Variants in CLNK observed in about 807,000 individuals in gnomAD.
CLNK encodes cytokine-dependent hematopoietic cell linker.
CLNK carries 74 observed loss-of-function variants against 68.6 expected under a neutral mutation model. The ratio of observed to expected loss-of-function variants is 1.08; its 90% confidence interval spans 0.89 to 1.31. The LOEUF (loss-of-function observed/expected upper bound fraction) is 1.31. Ranked by LOEUF, CLNK falls within the 50% of genes most tolerant of loss-of-function variation. The probability of loss-of-function intolerance (pLI) is 0.00; values close to 1 mark genes in which losing one functional copy is unlikely to be tolerated. For synonymous variants in CLNK, 198 were observed against 172.2 expected (o/e 1.15, Z -1.17); for missense variants, 553 against 515.3 (o/e 1.07, Z -0.71).
intron 2 of CLNK, among the ~76,000 whole-genome samples, chr4:10,638,191 A>G (rs998852010): frequency 6.6e-6 from 1 of 152,164 alleles, no homozygotes; most frequent in Non-Finnish European, 1.5e-5. Flanking sequence ...GCAGAGAGAC[A>G]TTTCCTTACC....
At chr4:10,579,737 A>G (rs7685227) in intron 4 of CLNK, among the ~76,000 whole-genome samples, 33,796 of 152,082 alleles carry the variant, frequency 0.22, 4,000 homozygotes, top group African/African-American at 0.29. Flanking sequence ...GGTGATTCCC[A>G]CCCTGTTCTT....
At chr4:10,557,653 C>T (rs553502242) in intron 8 of CLNK, among the ~76,000 whole-genome samples, 97 of 152,296 alleles carry the variant, frequency 6.4e-4, no homozygotes, top group Non-Finnish European at 1.1e-3. Flanking sequence ...CATAAATTTC[C>T]TTAAATTATC....
chr4:10,516,062 A>C (rs572950036), intron 15 of CLNK, among the ~76,000 whole-genome samples: 1 of 152,098 alleles, frequency 6.6e-6, no homozygotes, highest in Non-Finnish European at 1.5e-5. Context: ...ATAATAATAA[A>C]AATTTTTTTT....
At chr4:10,591,458 T>C (rs1025419402) in intron 3 of CLNK, among the ~76,000 whole-genome samples, 5 of 152,188 alleles carry the variant, frequency 3.3e-5, no homozygotes, top group African/African-American at 1.2e-4. Context: ...GTCTGGTGCC[T>C]AACACAGTGC....
intron 2 of CLNK, chr4:10,598,691 T>C (rs2108845931): frequency 2.2e-6 from 1 of 446,324 alleles, no homozygotes; most frequent in South Asian, 1.6e-5. Flanking sequence ...TTAAATACAT[T>C]CACTGTCATA....
chr4:10,531,538 GC>G (rs1718537622), intron 12 of CLNK: 1 of 290,960 alleles, frequency 3.4e-6, no homozygotes, highest in South Asian at 3.0e-5. Flanking sequence ...CTGGGTTCAA[GC>G]GATTCTCCTT....
At chr4:10,641,261 G>A (rs1319060418) in intron 2 of CLNK, among the ~76,000 whole-genome samples, 2 of 152,142 alleles carry the variant, frequency 1.3e-5, no homozygotes, top group African/African-American at 4.8e-5. Flanking sequence ...GGTATGAAAG[G>A]GATGGGGAGT....
chr4:10,496,957 C>G (rs1249902799), intron 18 of CLNK, among the ~76,000 whole-genome samples: 1 of 152,172 alleles, frequency 6.6e-6, no homozygotes, highest in Non-Finnish European at 1.5e-5. Flanking sequence ...TTCGATAAAT[C>G]TCTGTTTTTG....
intron 15 of CLNK, 106 bp from the exon 16 acceptor site, chr4:10,513,703 G>A: frequency 2.7e-6 from 3 of 1,094,594 alleles, no homozygotes; most frequent in South Asian, 3.7e-5. Context: ...ATATCTGTGA[G>A]GACCTTCTTG....
At chr4:10,698,908 G>C in the CLNK span, among the ~76,000 whole-genome samples, 1 of 152,162 alleles carries the variant, frequency 6.6e-6, no homozygotes, top group Admixed American at 6.5e-5. Context: ...CAAGATGGCT[G>C]AGTAGGAGGG....
chr4:10,621,815 C>G (rs1405094507), intron 2 of CLNK, among the ~76,000 whole-genome samples: 1 of 152,114 alleles, frequency 6.6e-6, no homozygotes, highest in Non-Finnish European at 1.5e-5. Context: ...AGCCTATTGT[C>G]CTGTGATTAG....
chr4:10,495,806 GAGA>G (rs916077960), intron 18 of CLNK, among the ~76,000 whole-genome samples: 1 of 144,266 alleles, frequency 6.9e-6, no homozygotes, highest in African/African-American at 2.6e-5. Flanking sequence ...GAGCGATGAG[GAGA>G]AGGTCACGTG....
the CLNK span, among the ~76,000 whole-genome samples, chr4:10,725,809 G>C: frequency 1.3e-5 from 2 of 151,514 alleles, no homozygotes; most frequent in African/African-American, 2.4e-5. Flanking sequence ...GAGCCGAGAT[G>C]CGCCACTGCA....
intron 2 of CLNK, among the ~76,000 whole-genome samples, chr4:10,647,789 G>A: frequency 6.6e-6 from 1 of 152,102 alleles, no homozygotes; most frequent in East Asian, 1.9e-4. Context: ...TCATTCAGCT[G>A]ACCCATGAAA....
chr4:10,516,812 A>C (rs1303811046), intron 15 of CLNK, among the ~76,000 whole-genome samples: 2 of 152,138 alleles, frequency 1.3e-5, no homozygotes, highest in African/African-American at 4.8e-5. Context: ...CGGCCTCCCA[A>C]AGTGCTGGGA....
At chr4:10,638,891 C>T (rs978948227) in intron 2 of CLNK, among the ~76,000 whole-genome samples, 1 of 152,118 alleles carries the variant, frequency 6.6e-6, no homozygotes, top group Non-Finnish European at 1.5e-5. Context: ...ACGTCTGTGC[C>T]CAAATTTCTT....
intron 18 of CLNK, 39 bp downstream of exon 18, chr4:10,501,217 G>T: frequency 6.6e-7 from 1 of 1,518,382 alleles, no homozygotes; most frequent in South Asian, 1.4e-5. Flanking sequence ...TATTTGTTGC[G>T]CTTAGCCTGG....
chr4:10,512,487 TC>T (rs1256139861), intron 16 of CLNK, among the ~76,000 whole-genome samples: 2 of 152,072 alleles, frequency 1.3e-5, no homozygotes, highest in Non-Finnish European at 2.9e-5. Context: ...CACCTTGGCC[TC>T]CCAAAGTGCT....
chr4:10,659,807 G>T (rs1394337764), intron 2 of CLNK, among the ~76,000 whole-genome samples: 1 of 151,988 alleles, frequency 6.6e-6, no homozygotes, highest in African/African-American at 2.4e-5. Flanking sequence ...CCTTTCCAAG[G>T]GATACATTTT....
Sources: allele counts gnomAD v4.1 joint callset (sites outside exome capture counted in the v4.1 genomes callset), GRCh38; gene constraint gnomAD v4.1.1; transcripts MANE v1.5; gene names NCBI Gene and HGNC (gene_info 2026-07-23, HGNC 2026-07-21).